Variants in CPT2 observed in about 807,000 individuals in gnomAD.
CPT2 encodes the protein carnitine palmitoyltransferase 2.
A neutral mutation model predicts 48.6 loss-of-function variants in CPT2; 37 were observed. The ratio of observed to expected loss-of-function variants is 0.76; its 90% CI spans 0.59 to 1.00. The LOEUF (loss-of-function observed/expected upper bound fraction) is 1.00. CPT2 is among the 50% of genes least tolerant of loss of function. The pLI, the probability that CPT2 is intolerant of heterozygous loss-of-function variation, is 0.00. For missense variants in CPT2, 772 were observed against 825.6 expected (o/e 0.94, Z 0.80); for synonymous variants, 319 against 326.9 (o/e 0.98, Z 0.26).
Position 53,210,441 on chromosome 1 carries a change from T to G in CPT2, c.767T>G (p.Val256Gly), listed in dbSNP as rs373918498. ...AAAGGAAATTTTTATATCTTTGATG[T>G]CCTGGATCAAGATGGGAACATTGTG... ...LRKGNFYIFD[V>G]LDQDGNIVSP... Residue 256 changes from valine (V) to glycine (G), a missense_variant, in exon 4 of 5, where the codon GTC becomes GGC. Physicochemically the swap from Val to Gly is moderately radical, Grantham distance 109. Transcript: ENST00000371486. 2 of 1,614,208 alleles carry G rather than the reference T, an allele frequency of 1.2e-6. No homozygotes were observed. Among genetic ancestry groups the G allele is most frequent in the Non-Finnish European group, 1.7e-6 (2 of 1,180,046 alleles).
intron 3 of CPT2, chr1:53,208,595 C>G (rs914626841): frequency 6.6e-6 from 1 of 152,130 alleles, no homozygotes; most frequent in African/African-American, 2.4e-5. Flanking sequence ...GTACACTGTA[C>G]ATAGAAGGAC....
Position 53,213,616 on chromosome 1 carries a change from T to C in CPT2, c.*21T>C. On this transcript the variant is annotated 3_prime_UTR_variant, in exon 5 of 5. Coordinates refer to ENST00000371486, the MANE Select transcript of CPT2 (RefSeq NM_000098.3). Reference sequence around the variant, plus strand: ...GTTAACTTCTGGGCAGATGAAAAGCTACCATCACTTCCTCATCATGAAAAC... The same window carrying C: ...GTTAACTTCTGGGCAGATGAAAAGCCACCATCACTTCCTCATCATGAAAAC... 1.2e-6 allele frequency: 2 copies of C among 1,600,624 alleles called. No individual in the cohort carries two copies. The highest frequency in any genetic ancestry group is 1.7e-6 in the Non-Finnish European group (2 of 1,171,140).
chr1:53,201,257 A>C (rs1289976995), intron 2 of CPT2: 3 of 239,708 alleles, frequency 1.3e-5, no homozygotes, highest in Non-Finnish European at 2.5e-5. Flanking sequence ...GGGTTGTGGC[A>C]GATGTAATTA....
intron 3 of CPT2, among the ~76,000 whole-genome samples, chr1:53,205,900 C>T (rs776701899): frequency 1.4e-4 from 22 of 152,286 alleles, no homozygotes; most frequent in Middle Eastern, 3.4e-3. Flanking sequence ...AAACCTCGTC[C>T]GGCCGGGTGC....
rs1410110233 is a variant in CPT2, at chr1:53,196,872, G to C, written c.-72G>C. ...ACGCAGTGTCTTGGGCGCTAACGGC[G>C]GCGGCGGCCTTGTGTTTAGACTCCA... On this transcript the variant is annotated 5_prime_UTR_variant, in exon 1 of 5. Transcript: ENST00000371486. The C allele has an allele frequency of 2.6e-6, 4 of 1,514,082 alleles. No homozygotes were observed. In the Admixed American group the frequency reaches 6.0e-5, roughly 23 times the overall value. 93.8% of individuals were successfully genotyped at this position (1,514,082 alleles called of 1,614,324 possible).
In CPT2 at chr1:53,213,712, T is replaced by C. The variant is rs1312713081; in HGVS notation, c.*117T>C. 2 of 954,896 alleles carry C rather than the reference T, an allele frequency of 2.1e-6. No homozygotes were observed. The highest frequency in any genetic ancestry group is 3.2e-6 in the Non-Finnish European group (2 of 620,338). 59.2% of individuals were successfully genotyped at this position (954,896 alleles called of 1,614,324 possible). On this transcript the variant is annotated 3_prime_UTR_variant, in exon 5 of 5. Transcript: ENST00000371486. ...GAGAGGCTGAGGCGGGTGGATCACT[T>C]GAGGTCAGGAGTTTGAGACCAACCT...
intron 4 of CPT2, among the ~76,000 whole-genome samples, chr1:53,212,405 G>A (rs533697999): frequency 2.5e-4 from 38 of 152,110 alleles, no homozygotes; most frequent in African/African-American, 8.7e-4. Context: ...CCACTGTATT[G>A]CCCAAGGTGG....
At chr1:53,199,995 A>G (rs1354348504) in intron 1 of CPT2, 4 of 152,226 alleles carry the variant, frequency 2.6e-5, no homozygotes, top group Admixed American at 1.3e-4. Context: ...AATAAAACCA[A>G]TGAATTGAAA....
intron 3 of CPT2, chr1:53,207,999 G>A (rs1645398775): frequency 6.6e-6 from 1 of 152,188 alleles, no homozygotes; most frequent in African/African-American, 2.4e-5. Flanking sequence ...AGTTGCATAA[G>A]TGCTTTCCAG....
chr1:53,209,879 A>G, intron 3 of CPT2, 136 bp from the exon 4 acceptor site: 1 of 733,098 alleles, frequency 1.4e-6, no homozygotes, highest in Non-Finnish European at 2.3e-6. Context: ...TGCAGAGCAA[A>G]AACATTCAGG....
Position 53,213,862 on chromosome 1 carries a change from G to A in CPT2, c.*267G>A. On this transcript the variant is annotated 3_prime_UTR_variant, in exon 5 of 5. Coordinates refer to ENST00000371486, the MANE Select transcript of CPT2 (RefSeq NM_000098.3). ...AATTGCTTGAACCCAGGAGGTGGAG[G>A]TTGCAGTGAGCTGAGATCACACCAC... The A allele has an allele frequency of 2.3e-6, 1 of 426,420 alleles. No homozygotes were observed. The highest frequency in any genetic ancestry group is 2.1e-5 in the South Asian group (1 of 48,476). 26.4% of individuals were successfully genotyped at this position (426,420 alleles called of 1,614,324 possible). A position where few individuals can be genotyped will look rare whatever the true frequency, so the allele number is the denominator to read the frequency against.
intron 3 of CPT2, among the ~76,000 whole-genome samples, chr1:53,204,951 A>G (rs1645378410): frequency 6.6e-6 from 1 of 152,168 alleles, no homozygotes; most frequent in South Asian, 2.1e-4. Flanking sequence ...TTCTTTATAA[A>G]TTACCCAGTC....
At chr1:53,213,142 T>C (rs529643559) in intron 4 of CPT2, 122 bp from the exon 5 acceptor site, 1 of 893,674 alleles carries the variant, frequency 1.1e-6, no homozygotes, top group East Asian at 2.5e-5. Flanking sequence ...TGCATAGAGG[T>C]AGAGCCTTCC....
intron 3 of CPT2, among the ~76,000 whole-genome samples, chr1:53,206,374 C>A (rs935749187): frequency 6.6e-6 from 1 of 152,154 alleles, no homozygotes; most frequent in Non-Finnish European, 1.5e-5. Context: ...CCTAGTGGAA[C>A]TGTGAGAAGA....
intron 1 of CPT2, chr1:53,197,391 T>A (rs1472737244): frequency 1.8e-5 from 9 of 491,704 alleles, no homozygotes; most frequent in Non-Finnish European, 3.3e-5. Context: ...CTATCCTGAG[T>A]CCTCTTCTCC....
rs1240014131 is a variant in CPT2, at chr1:53,210,213, C to T, written c.539C>T (p.Pro180Leu). 6.2e-7 allele frequency: 1 copy of T among 1,614,044 alleles called. No individual in the cohort carries two copies. Among genetic ancestry groups the T allele is most frequent in the South Asian group, 1.1e-5 (1 of 91,074 alleles). ...GAGCCAGAAGTGTTCCACTTGAACC[C>T]TGCAAAAAGTGACACTATCACCTTC... ...LLEPEVFHLN[P>L]AKSDTITFKR... Residue 180 changes from proline (P) to leucine (L), a missense_variant, in exon 4 of 5, where the codon CCT becomes CTT. By Grantham distance (98) the Pro-to-Leu change is moderately conservative (BLOSUM62 -3). Coordinates refer to ENST00000371486, the MANE Select transcript of CPT2 (RefSeq NM_000098.3).
chr1:53,204,742 C>T (rs943604247), intron 3 of CPT2, among the ~76,000 whole-genome samples: 3 of 152,116 alleles, frequency 2.0e-5, no homozygotes, highest in African/African-American at 7.2e-5. Context: ...GGGCAGTTTT[C>T]CCCATGCTGT....
rs1057517492 is a variant in CPT2 at position 53,211,019 on chromosome 1, C to T, written c.1345C>T (p.Gln449Ter). ...KTLTIDCVQF[Q>*]RGGKEFLKKQ... The stretch of plus-strand genomic sequence containing the variant: ...CCTCACTATTGACTGCGTCCAGTTT[C>T]AGAGAGGAGGCAAAGAATTCCTGAA... The change falls in exon 4 of 5, where the codon CAG becomes TAG. Residue 449 changes from glutamine to a stop codon, truncating the protein, a stop_gained. Coordinates refer to ENST00000371486, the MANE Select transcript of CPT2 (RefSeq NM_000098.3). LOFTEE classifies it high-confidence loss of function. 6.2e-7 allele frequency: 1 copy of T among 1,614,234 alleles called. No homozygotes were observed. The highest frequency in any genetic ancestry group is 8.5e-7 in the Non-Finnish European group (1 of 1,180,038).
At chr1:53,204,746 A>G (rs753870398) in intron 3 of CPT2, among the ~76,000 whole-genome samples, 1 of 152,146 alleles carries the variant, frequency 6.6e-6, no homozygotes, top group African/African-American at 2.4e-5. Context: ...AGTTTTCCCC[A>G]TGCTGTTCTC....
Sources: gnomAD v4.1 joint callset for allele counts (sites outside exome capture counted in the v4.1 genomes callset) on GRCh38, gnomAD v4.1.1 for gene constraint, MANE v1.5 for transcripts, NCBI Gene and HGNC (gene_info 2026-07-23, HGNC 2026-07-21) for gene names.